The following CREB5 variants were observed in gnomAD, a reference collection of about 807,000 sequenced individuals.
CREB5 encodes the protein cyclic AMP-responsive element-binding protein 5.
Under a neutral mutation model 57.1 loss-of-function variants are expected in CREB5, and 19 were observed. That is an observed-to-expected ratio of 0.33 (90% confidence interval 0.23 to 0.49). CREB5 has a LOEUF of 0.49. Among genes scored for constraint, CREB5 ranks in the 20% least tolerant of loss-of-function variants. CREB5 has a pLI of 0.99. For synonymous variants in CREB5, 238 were observed against 238.3 expected (o/e 1.00, Z 0.01); for missense variants, 579 against 671.6 (o/e 0.86, Z 1.52).
chr7:28,364,686 T>C (rs1384545526), intron 1 of CREB5, among the ~76,000 whole-genome samples: 3 of 152,160 alleles, frequency 2.0e-5, no homozygotes, highest in African/African-American at 7.2e-5. Context: ...ATCTTGACCC[T>C]CTTGCTCCAT....
At chr7:28,664,988 T>A (rs1302559611) in intron 5 of CREB5, among the ~76,000 whole-genome samples, 1 of 152,186 alleles carries the variant, frequency 6.6e-6, no homozygotes, top group Admixed American at 6.5e-5. Context: ...TTTCTGGTCA[T>A]CATAATTCAA....
rs58647223 is a variant in CREB5 at position 28,555,109 on chromosome 7, T to TTGTGTGTGTGTGTGTGTGTGTGTGTG, written c.292-15239_292-15238insGTGTGTGTGTGTGTGTGTGTGTGTGT. 6.0e-3 allele frequency among the ~76,000 whole-genome samples: 899 copies of TTGTGTGTGTGTGTGTGTGTGTGTGTG among 148,890 alleles called. 4 individuals carry two copies. Among genetic ancestry groups the TTGTGTGTGTGTGTGTGTGTGTGTGTG allele is most frequent in the East Asian group, 0.03 (149 of 4,940 alleles). Reference sequence around the variant, plus strand: ...AGTTGTCATAGATCTATAAGCTGCATTGTGTGTGTGTGTGTGTAAATAAAA... The same window carrying TTGTGTGTGTGTGTGTGTGTGTGTGTG: ...AGTTGTCATAGATCTATAAGCTGCATTGTGTGTGTGTGTGTGTGTGTGTGTGTGTGTGTGTGTGTGTGTAAATAAAA... On this transcript the variant is annotated intron_variant, in intron 4 of 10. Transcript: ENST00000357727.
At chr7:28,662,677 G>C (rs946773422) in intron 5 of CREB5, among the ~76,000 whole-genome samples, 8 of 152,166 alleles carry the variant, frequency 5.3e-5, no homozygotes, top group African/African-American at 1.7e-4. Context: ...TGAATATGCT[G>C]GGAGGCGCTG....
chr7:28,537,778 G>C (rs1359186460), intron 4 of CREB5, among the ~76,000 whole-genome samples: 1 of 152,204 alleles, frequency 6.6e-6, no homozygotes, highest in East Asian at 1.9e-4. Context: ...CTGCACATTG[G>C]AGTCAGTACA....
chr7:28,675,992 G>A (rs993345516), intron 5 of CREB5, among the ~76,000 whole-genome samples: 1 of 152,092 alleles, frequency 6.6e-6, no homozygotes, highest in Non-Finnish European at 1.5e-5. Context: ...TCAGATATTT[G>A]TGTCATTCCT....
intron 1 of CREB5, among the ~76,000 whole-genome samples, chr7:28,301,647 C>T (rs1296260938): frequency 6.6e-6 from 1 of 152,214 alleles, no homozygotes; most frequent in Non-Finnish European, 1.5e-5. Context: ...AAAGCATTCT[C>T]ATCTCTGGAA....
intron 7 of CREB5, among the ~76,000 whole-genome samples, chr7:28,784,182 C>T (rs1049247605): frequency 1.3e-5 from 2 of 152,178 alleles, no homozygotes; most frequent in African/African-American, 2.4e-5. Flanking sequence ...AAACACAGCT[C>T]GTGGGACACT....
At chr7:28,331,393 A>G (rs949157826) in intron 1 of CREB5, among the ~76,000 whole-genome samples, 1 of 152,128 alleles carries the variant, frequency 6.6e-6, no homozygotes, top group Non-Finnish European at 1.5e-5. Flanking sequence ...TATGTGCTAT[A>G]GGTATACCTG....
chr7:28,532,746 G>A (rs1287653549), intron 4 of CREB5, among the ~76,000 whole-genome samples: 1 of 152,202 alleles, frequency 6.6e-6, no homozygotes, highest in African/African-American at 2.4e-5. Context: ...TAACATAGTG[G>A]TAAGAGCACA....
chr7:28,354,210 G>A (rs778879334), intron 1 of CREB5, among the ~76,000 whole-genome samples: 10 of 152,190 alleles, frequency 6.6e-5, no homozygotes, highest in Admixed American at 1.3e-4. Flanking sequence ...AGGATGCAAA[G>A]TATTGATCCT....
At chr7:28,699,903 A>G (rs1010185227) in intron 5 of CREB5, among the ~76,000 whole-genome samples, 2 of 152,204 alleles carry the variant, frequency 1.3e-5, no homozygotes, top group African/African-American at 4.8e-5. Flanking sequence ...AGTGTGCAGA[A>G]CAGTCTATCA....
chr7:28,581,715 G>C (rs1192209348), intron 5 of CREB5, among the ~76,000 whole-genome samples: 1 of 152,166 alleles, frequency 6.6e-6, no homozygotes, highest in Non-Finnish European at 1.5e-5. Context: ...GTGAAAGTTA[G>C]CTTTGTCTCC....
In CREB5 at chr7:28,351,361, A is replaced by G. The variant is rs368833195; in HGVS notation, c.-25+51920A>G. Among the ~76,000 whole-genome samples the G allele has an allele frequency of 9.2e-5, 14 of 152,300 alleles. No homozygotes were observed. In the East Asian group the frequency reaches 1.7e-3, roughly 19 times the overall value. On this transcript the variant is annotated intron_variant, in intron 1 of 9. Transcript: ENST00000396299. The stretch of plus-strand genomic sequence containing the variant: ...AGGAGATAGTTCCTATTCAGGACAC[A>G]CACCCAGTGCTTGCAGATCCATACT...
At chr7:28,560,823 C>CGTGTGTGTGTGCGTGTGCGT (rs1442862711) in intron 4 of CREB5, among the ~76,000 whole-genome samples, 7 of 34,478 alleles carry the variant, frequency 2.0e-4, no homozygotes, top group Middle Eastern at 0.022. Context: ...TGTGTGTGTG[C>CGTGTGTGTGTGCGTGTGCGT]GCGCGCGCGC....
intron 1 of CREB5, among the ~76,000 whole-genome samples, chr7:28,374,737 G>A (rs114607318): frequency 3.3e-5 from 5 of 152,158 alleles, no homozygotes; most frequent in African/African-American, 4.8e-5. Context: ...TTCCCAACTC[G>A]TCAGTCATAG....
intron 5 of CREB5, among the ~76,000 whole-genome samples, chr7:28,690,642 C>T (rs532100635): frequency 3.9e-5 from 6 of 152,182 alleles, no homozygotes; most frequent in East Asian, 1.9e-4. Flanking sequence ...GGAGCCATTG[C>T]GAGGGGTGGA....
chr7:28,565,531 A>G (rs563117381), intron 4 of CREB5, among the ~76,000 whole-genome samples: 44 of 152,198 alleles, frequency 2.9e-4, no homozygotes, highest in Admixed American at 6.5e-4. Context: ...CATTGGGAAG[A>G]CTAGAGATGT....
chr7:28,758,475 G>A (rs1805466189), intron 7 of CREB5, among the ~76,000 whole-genome samples: 1 of 152,142 alleles, frequency 6.6e-6, no homozygotes, highest in South Asian at 2.1e-4. Flanking sequence ...GAGGTCCGGT[G>A]GGGAAAGTCA....
chr7:28,574,343 T>C (rs1465960622), intron 5 of CREB5, among the ~76,000 whole-genome samples: 1 of 152,186 alleles, frequency 6.6e-6, no homozygotes, highest in African/African-American at 2.4e-5. Flanking sequence ...TAATTCAGGA[T>C]CAAGTCAGCA....
Sources: gnomAD v4.1 joint callset for allele counts (sites outside exome capture counted in the v4.1 genomes callset) on GRCh38, gnomAD v4.1.1 for gene constraint, MANE v1.5 for transcripts, NCBI Gene and HGNC (gene_info 2026-07-23, HGNC 2026-07-21) for gene names.